SUPT3H: variants seen among roughly 807,000 people sequenced by gnomAD.
SUPT3H encodes SPT3 homolog, SAGA and STAGA complex component.
Under a neutral mutation model 44.3 loss-of-function variants are expected in SUPT3H, and 44 were observed. That is an observed-to-expected ratio of 0.99 (90% CI 0.78 to 1.28). The LOEUF (loss-of-function observed/expected upper bound fraction) is 1.28, where lower values mean the gene tolerates loss of function less well. SUPT3H is among the 50% of genes most tolerant of loss of function. The pLI is 0.00. For missense variants in SUPT3H, 380 were observed against 387.1 expected, an observed-to-expected ratio of 0.98 and a Z score of 0.15; for synonymous variants, 124 against 125.6, an observed-to-expected ratio of 0.99 and a Z score of 0.09.
chr6:44,914,022 G>T lies in SUPT3H; in HGVS notation c.912+18631C>A, dbSNP rs181478001. Among the ~76,000 whole-genome samples, 6 of 152,170 alleles carry T rather than the reference G, an allele frequency of 3.9e-5. No homozygotes were observed. In the East Asian group the frequency reaches 1.2e-3, roughly 29 times the overall value. On this transcript the variant is annotated intron_variant, in intron 10 of 10. Coordinates refer to ENST00000371459, the MANE Select transcript of SUPT3H (RefSeq NM_003599.4). ...TGCCTTCATCAAGTACCATTACAAA[G>T]AATAATATTCTATTATAATAATATT...
chr6:45,309,079 T>TA (rs1274302468), intron 2 of SUPT3H, among the ~76,000 whole-genome samples: 2 of 147,764 alleles, frequency 1.4e-5, no homozygotes, highest in East Asian at 4.0e-4. Context: ...TCATTTTGAA[T>TA]AAAAAGAAAA....
chr6:44,828,707 A>C lies in SUPT3H; in HGVS notation c.*1109T>G, dbSNP rs1768080626. The C allele has an allele frequency of 6.6e-6, 1 of 152,190 alleles. No individual in the cohort carries two copies. Among genetic ancestry groups the C allele is most frequent in the South Asian group, 2.1e-4 (1 of 4,812 alleles). 9.4% of individuals were successfully genotyped at this position (152,190 alleles called of 1,614,324 possible). On this transcript the variant is annotated 3_prime_UTR_variant, in exon 11 of 11. Transcript: ENST00000371459. ...TGCTCTCTTGAGCAGTATCAAGAAA[A>C]AGGAGCAGTATCAAGAAAAAGATCT...
chr6:45,237,280 T>C (rs6458432), intron 2 of SUPT3H, among the ~76,000 whole-genome samples: 133,002 of 152,216 alleles, frequency 0.87, 58,370 homozygotes, highest in African/African-American at 0.92. Context: ...GTTCACGTAG[T>C]CAATTCAACC....
chr6:45,055,481 T>C lies in SUPT3H; in HGVS notation c.187-34849A>G, dbSNP rs556348803. 4.5e-4 allele frequency among the ~76,000 whole-genome samples: 68 copies of C among 152,220 alleles called. 1 individual carries two copies. The highest frequency in any genetic ancestry group is 3.4e-3 in the Middle Eastern group (1 of 294). On this transcript the variant is annotated intron_variant, in intron 3 of 10. Transcript: ENST00000371459. ...AGGGTACTGGTATAAAAATGGCACA[T>C]AGACCCATGCAATAGCATAGAGAGC...
At chr6:45,165,179 C>G (rs1809643022) in intron 2 of SUPT3H, among the ~76,000 whole-genome samples, 1 of 152,174 alleles carries the variant, frequency 6.6e-6, no homozygotes, top group Admixed American at 6.5e-5. Flanking sequence ...TGCAACCCTA[C>G]AGGCACTGAT....
At chr6:45,299,692 A>C (rs1781840252) in intron 2 of SUPT3H, among the ~76,000 whole-genome samples, 1 of 151,604 alleles carries the variant, frequency 6.6e-6, no homozygotes, top group African/African-American at 2.4e-5. Context: ...AGGAAGGAAG[A>C]TCACTTAAGC....
At chr6:45,362,065 A>C (rs1445371718) in intron 2 of SUPT3H, among the ~76,000 whole-genome samples, 1 of 152,076 alleles carries the variant, frequency 6.6e-6, no homozygotes, top group Non-Finnish European at 1.5e-5. Flanking sequence ...AACAACAACA[A>C]CAACAACAAC....
chr6:44,878,465 C>G (rs911862131), intron 10 of SUPT3H, among the ~76,000 whole-genome samples: 1 of 150,052 alleles, frequency 6.7e-6, no homozygotes, highest in Middle Eastern at 3.4e-3. Context: ...TTTTTTTAAA[C>G]TAATGAGAGT....
At chr6:44,816,829 A>G (rs12215971) in intron 11 of SUPT3H, among the ~76,000 whole-genome samples, 41,108 of 151,998 alleles carry the variant, frequency 0.27, 5,853 homozygotes, top group African/African-American at 0.31. Flanking sequence ...CAAGGTGGGA[A>G]GATCACTTGA....
In SUPT3H at chr6:44,870,379, T is replaced by C. The variant is rs1203196937; in HGVS notation, c.913-40522A>G. Reference sequence around the variant, plus strand: ...CGTGAGTCTGAGGCAGGAGGATCTCTTGAGGCCAGGAGCTCAAGACCAGCC... The same window carrying C: ...CGTGAGTCTGAGGCAGGAGGATCTCCTGAGGCCAGGAGCTCAAGACCAGCC... On this transcript the variant is annotated intron_variant, in intron 10 of 10. Transcript: ENST00000371459. Among the ~76,000 whole-genome samples the C allele has an allele frequency of 2.0e-5, 3 of 152,188 alleles. No homozygotes were observed. In the East Asian group the frequency reaches 5.8e-4, roughly 29 times the overall value.
intron 10 of SUPT3H, among the ~76,000 whole-genome samples, chr6:44,852,404 CA>C: frequency 6.6e-6 from 1 of 152,016 alleles, no homozygotes. Flanking sequence ...GCACCTACAT[CA>C]AAAAAGGCTT....
At chr6:45,103,764 C>T (rs569976790) in intron 3 of SUPT3H, among the ~76,000 whole-genome samples, 7 of 152,156 alleles carry the variant, frequency 4.6e-5, no homozygotes, top group African/African-American at 1.7e-4. Context: ...AAGAAAATAA[C>T]GATTTCAAAA....
chr6:45,345,240 T>C (rs1270288998), intron 2 of SUPT3H, among the ~76,000 whole-genome samples: 1 of 152,212 alleles, frequency 6.6e-6, no homozygotes, highest in Non-Finnish European at 1.5e-5. Context: ...GTTCACTTGA[T>C]TGTTAAAGAC....
chr6:45,286,440 C>G (rs1203728303), intron 2 of SUPT3H, among the ~76,000 whole-genome samples: 2 of 152,116 alleles, frequency 1.3e-5, no homozygotes, highest in African/African-American at 2.4e-5. Flanking sequence ...AGGATATGAA[C>G]AGACACTTCT....
At chr6:44,976,334 G>C (rs1030384747) in intron 6 of SUPT3H, among the ~76,000 whole-genome samples, 2 of 151,528 alleles carry the variant, frequency 1.3e-5, no homozygotes, top group Non-Finnish European at 2.9e-5. Flanking sequence ...AGAAAAAGCA[G>C]AAATGTCTAC....
At chr6:45,333,595 T>C (rs1211484837) in intron 2 of SUPT3H, among the ~76,000 whole-genome samples, 1 of 151,420 alleles carries the variant, frequency 6.6e-6, no homozygotes, top group Admixed American at 6.6e-5. Flanking sequence ...GCAAAGTTTT[T>C]CATAAACACT....
rs144898059 is a variant in SUPT3H at position 45,047,895 on chromosome 6, T to TTAA, written c.187-27264_187-27263insTTA. On this transcript the variant is annotated intron_variant, in intron 3 of 10. Transcript: ENST00000371459. ...GTGTTGGCCATTTCTATGTCTTATT[T>TTAA]TGAGATATGTCTATATACAGTCTTT... Among the ~76,000 whole-genome samples the TTAA allele has an allele frequency of 4.7e-3, 716 of 152,126 alleles. 9 individuals carry two copies. Among genetic ancestry groups the TTAA allele is most frequent in the African/African-American group, 0.016 (668 of 41,508 alleles).
intron 2 of SUPT3H, chr6:45,321,998 T>C (rs1369557385): frequency 3.0e-6 from 2 of 656,572 alleles, no homozygotes; most frequent in Non-Finnish European, 2.6e-6. Flanking sequence ...GACCTCCCAG[T>C]TCCCAAGAAG....
intron 2 of SUPT3H, among the ~76,000 whole-genome samples, chr6:45,362,680 C>A (rs2150257837): frequency 6.6e-6 from 1 of 152,248 alleles, no homozygotes. Context: ...TTAGGAGTGG[C>A]CTCTCTATGA....
Sources: gnomAD v4.1 joint callset for allele counts (sites outside exome capture counted in the v4.1 genomes callset) on GRCh38, gnomAD v4.1.1 for gene constraint, MANE v1.5 for transcripts, NCBI Gene and HGNC (gene_info 2026-07-23, HGNC 2026-07-21) for gene names.